The following TGFBR3 variants were observed in gnomAD, a reference collection of about 807,000 sequenced individuals.
TGFBR3 encodes transforming growth factor beta receptor type 3.
In TGFBR3, 46 loss-of-function variants were observed where a neutral mutation model predicts 87.9. The observed-to-expected ratio is 0.52, with a 90% CI of 0.41 to 0.67. The LOEUF is 0.67. Among genes scored for constraint, TGFBR3 ranks in the 30% least tolerant of loss-of-function variants. TGFBR3 has a pLI of 0.00. For missense variants in TGFBR3, 866 were observed against 1,041.9 expected (o/e 0.83, Z 2.32); for synonymous variants, 381 against 391.6 (o/e 0.97, Z 0.32).
At chr1:91,762,130 G>T (rs1187470616) in intron 3 of TGFBR3, among the ~76,000 whole-genome samples, 4 of 152,132 alleles carry the variant, frequency 2.6e-5, no homozygotes, top group Admixed American at 6.5e-5. Context: ...AGAACCAAAG[G>T]GGATGCAGCT....
At chr1:91,885,326 T>G (rs966924054) in intron 1 of TGFBR3, among the ~76,000 whole-genome samples, 1 of 131,258 alleles carries the variant, frequency 7.6e-6, no homozygotes, top group East Asian at 2.3e-4. Context: ...CCTAACCAAA[T>G]GAATACAAGA....
At chr1:91,699,217 T>C (rs1671535906) in intron 14 of TGFBR3, among the ~76,000 whole-genome samples, 2 of 152,242 alleles carry the variant, frequency 1.3e-5, no homozygotes, top group Middle Eastern at 3.4e-3. Context: ...TATGCTGCTC[T>C]TTGTCATCAT....
Position 91,720,296 on chromosome 1 carries a change from G to A in TGFBR3, c.1076-66C>T, listed in dbSNP as rs538437475. On this transcript the variant is annotated intron_variant, in intron 8 of 16. Transcript: ENST00000212355. ...CCAGGCCACAACCAACATCATTACA[G>A]GCAGAACAGGAGGAATTAGCATAGA... is the stretch of plus-strand genomic sequence containing the variant. 826 of 1,433,096 alleles carry A rather than the reference G, an allele frequency of 5.8e-4. 7 individuals carry two copies. The South Asian group carries it at 6.5e-3, about 11-fold the overall frequency. 88.8% of individuals were successfully genotyped at this position (1,433,096 alleles called of 1,614,324 possible).
chr1:91,753,090 A>G (rs1321540577), intron 4 of TGFBR3, among the ~76,000 whole-genome samples: 1 of 152,016 alleles, frequency 6.6e-6, no homozygotes, highest in African/African-American at 2.4e-5. Context: ...AGATACATTT[A>G]AAAACCTAGT....
intron 13 of TGFBR3, among the ~76,000 whole-genome samples, chr1:91,709,005 T>C (rs1310778948): frequency 2.6e-5 from 4 of 152,230 alleles, no homozygotes. Context: ...CAAATATCAC[T>C]GGATAGCTTC....
At chr1:91,750,738 C>T (rs765064255) in intron 4 of TGFBR3, among the ~76,000 whole-genome samples, 1 of 152,160 alleles carries the variant, frequency 6.6e-6, no homozygotes, top group Non-Finnish European at 1.5e-5. Flanking sequence ...CTGGTATATC[C>T]GGGTCCCTGG....
chr1:91,769,644 TG>T, intron 3 of TGFBR3, among the ~76,000 whole-genome samples: 1 of 152,088 alleles, frequency 6.6e-6, no homozygotes, highest in Admixed American at 6.5e-5. Context: ...TTGTTTTTTT[TG>T]TTTTTTTTTT....
intron 13 of TGFBR3, 139 bp downstream of exon 13, chr1:91,712,104 C>T: frequency 2.6e-6 from 2 of 773,260 alleles, no homozygotes; most frequent in Non-Finnish European, 4.4e-6. Context: ...CTCACAGTTC[C>T]CTGCTAATAG....
chr1:91,719,207 G>T, intron 10 of TGFBR3, 105 bp downstream of exon 10: 1 of 1,486,230 alleles, frequency 6.7e-7, no homozygotes, highest in Non-Finnish European at 9.3e-7. Flanking sequence ...TTCAGGCCTG[G>T]GGTGAAAACC....
chr1:91,713,686 A>G (rs1311791249), intron 12 of TGFBR3, among the ~76,000 whole-genome samples: 1 of 152,214 alleles, frequency 6.6e-6, no homozygotes, highest in Non-Finnish European at 1.5e-5. Context: ...ACTGCAGGAC[A>G]CTCAACAGTG....
intron 1 of TGFBR3, among the ~76,000 whole-genome samples, chr1:91,870,142 G>A (rs1234079721): frequency 6.6e-6 from 1 of 152,118 alleles, no homozygotes; most frequent in Non-Finnish European, 1.5e-5. Context: ...AACAATGTAA[G>A]CACACAAAAA....
rs536130227 is a variant in TGFBR3 at position 91,858,971 on chromosome 1, G to A, written c.61+2500C>T. ...CTCAGGAGGCTGAGGCAGGAGAATC[G>A]CTTGAACCAGGAGGCAGAGGTTGCA... On this transcript the variant is annotated intron_variant, in intron 2 of 16. Transcript: ENST00000212355. 8.4e-4 allele frequency among the ~76,000 whole-genome samples: 127 copies of A among 151,506 alleles called. 1 individual carries two copies. The highest frequency in any genetic ancestry group is 2.9e-3 in the African/African-American group (119 of 41,242).
intron 1 of TGFBR3, among the ~76,000 whole-genome samples, chr1:91,871,725 A>G (rs1678588016): frequency 6.6e-6 from 1 of 152,158 alleles, no homozygotes; most frequent in African/African-American, 2.4e-5. Flanking sequence ...CTGAGGTAAG[A>G]GCATGCTTGG....
At chr1:91,861,705 AAAATT>A (rs1435517820) in intron 1 of TGFBR3, 61 bp from the exon 2 acceptor site, 6 of 659,782 alleles carry the variant, frequency 9.1e-6, no homozygotes, top group African/African-American at 3.6e-5. Context: ...AACAGACACT[AAAATT>A]AAACAGAGAA....
intron 13 of TGFBR3, among the ~76,000 whole-genome samples, chr1:91,709,651 T>C (rs923616386): frequency 6.6e-6 from 1 of 152,228 alleles, no homozygotes; most frequent in African/African-American, 2.4e-5. Flanking sequence ...TCAAACCTAT[T>C]AATGAGCATG....
intron 3 of TGFBR3, among the ~76,000 whole-genome samples, chr1:91,778,718 G>C (rs1191085045): frequency 6.6e-6 from 1 of 152,160 alleles, no homozygotes. Context: ...AGTGGGCACT[G>C]TTCTAATTCC....
At chr1:91,802,510 G>A (rs1352058913) in intron 2 of TGFBR3, among the ~76,000 whole-genome samples, 2 of 151,822 alleles carry the variant, frequency 1.3e-5, no homozygotes, top group Non-Finnish European at 2.9e-5. Flanking sequence ...ACAGGCGCCC[G>A]CCATCACACC....
intron 3 of TGFBR3, among the ~76,000 whole-genome samples, chr1:91,759,383 C>CAAAAAAA (rs35600646): frequency 7.1e-5 from 6 of 84,732 alleles, no homozygotes; most frequent in African/African-American, 2.0e-4. Flanking sequence ...CAGCCCCTGT[C>CAAAAAAA]AAAAAAAAAA....
At chr1:91,780,030 T>C (rs1674704400) in intron 3 of TGFBR3, among the ~76,000 whole-genome samples, 1 of 152,196 alleles carries the variant, frequency 6.6e-6, no homozygotes, top group Admixed American at 6.5e-5. Context: ...CCCTTTTGTC[T>C]GTGTCATCAA....
Sources: allele counts gnomAD v4.1 joint callset (sites outside exome capture counted in the v4.1 genomes callset), GRCh38; gene constraint gnomAD v4.1.1; transcripts MANE v1.5; gene names NCBI Gene and HGNC (gene_info 2026-07-23, HGNC 2026-07-21).